TUT4: variants seen among roughly 807,000 people sequenced by gnomAD.
The protein encoded by TUT4 is terminal uridylyltransferase 4.
TUT4 carries 36 observed loss-of-function variants against 192.2 expected under a neutral mutation model. The ratio of observed to expected loss-of-function variants is 0.19; its 90% CI spans 0.14 to 0.25. TUT4 has a LOEUF of 0.25. TUT4 is among the 10% of genes least tolerant of loss of function. The pLI, the probability that TUT4 is intolerant of heterozygous loss-of-function variation, is 1.00. For synonymous variants in TUT4, 618 were observed against 666.0 expected (o/e 0.93, Z 1.11); for missense variants, 1,493 against 1,957.2 (o/e 0.76, Z 4.47).
At chr1:52,552,110 G>A (rs748254338) in intron 1 of TUT4, among the ~76,000 whole-genome samples, 12 of 152,140 alleles carry the variant, frequency 7.9e-5, no homozygotes, top group Non-Finnish European at 7.4e-5. Context: ...CTAAGACTTC[G>A]AAATCTTCTG....
In TUT4 at chr1:52,525,568, T is replaced by C; in HGVS notation, c.713A>G (p.Asp238Gly). 6.3e-7 allele frequency: 1 copy of C among 1,598,838 alleles called. No homozygotes were observed. The highest frequency in any genetic ancestry group is 1.3e-5 in the African/African-American group (1 of 74,408). ...CCCTCCAAAAAATGACTTACTTAAA[T>C]CGTCCGATACGTCTTCAATTCCTGA... ...SASGIEDVSDDLSKMKNDESN... is the reference protein window; with the variant it reads ...SASGIEDVSDGLSKMKNDESN... The change falls in exon 2 of 30, where the codon GAT becomes GGT. Residue 238 changes from aspartate (D) to glycine (G), a missense_variant. By Grantham distance (94) the Asp-to-Gly change is moderately conservative (BLOSUM62 -1). Coordinates refer to ENST00000257177, the MANE Select transcript of TUT4 (RefSeq NM_001009881.3).
intron 15 of TUT4, among the ~76,000 whole-genome samples, chr1:52,466,682 A>T (rs835028): frequency 0.9 from 111,399 of 124,000 alleles, 50,672 homozygotes; most frequent in East Asian, 0.98. Flanking sequence ...ATATATATAT[A>T]TTTTTGAGAC....
chr1:52,484,406 G>C (rs1557809167), intron 9 of TUT4, among the ~76,000 whole-genome samples: 1 of 152,002 alleles, frequency 6.6e-6, no homozygotes, highest in Non-Finnish European at 1.5e-5. Flanking sequence ...GTTTGTATAA[G>C]GGACTTGAGC....
intron 4 of TUT4, among the ~76,000 whole-genome samples, chr1:52,509,105 TA>T (rs1206579236): frequency 1.3e-5 from 2 of 152,220 alleles, no homozygotes; most frequent in Non-Finnish European, 2.9e-5. Flanking sequence ...TTTTGCCATT[TA>T]AACTACTACT....
chr1:52,485,047 A>T (rs958720968), intron 9 of TUT4, among the ~76,000 whole-genome samples: 3 of 152,206 alleles, frequency 2.0e-5, no homozygotes, highest in African/African-American at 7.2e-5. Flanking sequence ...TGAAAGCAGG[A>T]CTCTGTATGT....
chr1:52,427,754 C>CA (rs1446711007), intron 28 of TUT4, among the ~76,000 whole-genome samples: 1 of 152,188 alleles, frequency 6.6e-6, no homozygotes, highest in Non-Finnish European at 1.5e-5. Flanking sequence ...TTATCAATGG[C>CA]AGCTAAGGCT....
intron 2 of TUT4, among the ~76,000 whole-genome samples, chr1:52,523,248 G>C (rs747974723): frequency 2.2e-3 from 326 of 151,548 alleles, no homozygotes; most frequent in Non-Finnish European, 3.6e-3. Context: ...GCACCTCGGC[G>C]TCCCAAAGTG....
chr1:52,436,782 C>A lies in TUT4; in HGVS notation c.4135G>T (p.Ala1379Ser), dbSNP rs1653923615. ...GCCACACTGCTATTCCTCTGACGGG[C>A]CAGCTTGACCTCTGGGCACTCCCTT... ...VRRECPEVKL[A>S]RQRNSSVAAA... Residue 1379 changes from alanine (A) to serine (S), a missense_variant, in exon 26 of 30, where the codon GCC becomes TCC. Physicochemically the swap from Ala to Ser is moderately conservative, Grantham distance 99 (BLOSUM62 1). Around this residue, in one of 7 missense-constraint regions of TUT4, gnomAD observed 351 missense variants for 397.8 expected, o/e 0.88. Coordinates refer to ENST00000257177, the MANE Select transcript of TUT4 (RefSeq NM_001009881.3). The A allele has an allele frequency of 5.6e-6, 9 of 1,613,528 alleles. No homozygotes were observed. The highest frequency in any genetic ancestry group is 1.3e-5 in the African/African-American group (1 of 74,872).
intron 13 of TUT4, among the ~76,000 whole-genome samples, chr1:52,472,864 G>C (rs1666141017): frequency 6.6e-6 from 1 of 152,020 alleles, no homozygotes; most frequent in Non-Finnish European, 1.5e-5. Flanking sequence ...ACATCCTAAA[G>C]TGTCTTTCTC....
intron 4 of TUT4, among the ~76,000 whole-genome samples, chr1:52,506,180 T>C (rs1328705501): frequency 1.3e-5 from 2 of 152,206 alleles, no homozygotes; most frequent in Non-Finnish European, 2.9e-5. Context: ...CACTTGATCA[T>C]GACACATTCA....
intron 4 of TUT4, among the ~76,000 whole-genome samples, chr1:52,505,418 C>CT (rs35140317): frequency 0.23 from 25,341 of 109,506 alleles, 5,051 homozygotes; most frequent in African/African-American, 0.49. Flanking sequence ...TTTGCTTAGA[C>CT]TTTTTTTTTT....
intron 28 of TUT4, 116 bp from the exon 29 acceptor site, chr1:52,425,623 A>AT: frequency 8.0e-7 from 1 of 1,254,920 alleles, no homozygotes. Flanking sequence ...ACTATGCTAA[A>AT]TTCAGAGAAT....
chr1:52,523,070 G>A (rs1291377959), intron 2 of TUT4, among the ~76,000 whole-genome samples: 1 of 123,070 alleles, frequency 8.1e-6, no homozygotes, highest in African/African-American at 3.1e-5. Flanking sequence ...CTGGCTCACT[G>A]CAACCTCCAT....
intron 4 of TUT4, among the ~76,000 whole-genome samples, chr1:52,505,418 C>CTTTTTTT (rs35140317): frequency 2.7e-5 from 3 of 109,534 alleles, no homozygotes; most frequent in Non-Finnish European, 5.3e-5. Flanking sequence ...TTTGCTTAGA[C>CTTTTTTT]TTTTTTTTTT....
intron 11 of TUT4, among the ~76,000 whole-genome samples, chr1:52,479,003 AGAGTT>A (rs1461848666): frequency 3.3e-5 from 5 of 152,166 alleles, no homozygotes; most frequent in Non-Finnish European, 7.3e-5. Context: ...AGAAAAAAAA[AGAGTT>A]GAGTACGCTA....
intron 9 of TUT4, 82 bp from the exon 10 acceptor site, chr1:52,482,005 A>T: frequency 8.3e-7 from 1 of 1,199,492 alleles, no homozygotes; most frequent in South Asian, 3.1e-5. Flanking sequence ...TTCCTACCCT[A>T]ATCATTGTAA....
In TUT4 at chr1:52,528,458, T is replaced by C. The variant is rs1192315024; in HGVS notation, c.-93-2085A>G. 4.7e-5 allele frequency among the ~76,000 whole-genome samples: 7 copies of C among 147,940 alleles called. No homozygotes were observed. In the East Asian group the frequency reaches 1.4e-3, roughly 29 times the overall value. On this transcript the variant is annotated intron_variant, in intron 1 of 29. Transcript: ENST00000257177. ...GTGAGCCAAGATTGCATTCCTGCAT[T>C]CCAGTCTGGGCAACAGAGTGAGACC...
chr1:52,438,473 C>A, intron 24 of TUT4, 138 bp from the exon 25 acceptor site: 1 of 605,978 alleles, frequency 1.7e-6, no homozygotes, highest in Non-Finnish European at 2.9e-6. Context: ...TAAGAAAACC[C>A]AAGATATGAA....
intron 4 of TUT4, among the ~76,000 whole-genome samples, chr1:52,500,403 G>A (rs1176962236): frequency 6.6e-6 from 1 of 152,186 alleles, no homozygotes; most frequent in African/African-American, 2.4e-5. Flanking sequence ...CAAGGCAGGA[G>A]GACTGCTGAA....
Sources: gnomAD v4.1 joint callset for allele counts (sites outside exome capture counted in the v4.1 genomes callset) on GRCh38, gnomAD v4.1.1 for gene constraint, gnomAD v4.1.1 regional missense constraint, MANE v1.5 for transcripts, NCBI Gene and HGNC (gene_info 2026-07-23, HGNC 2026-07-21) for gene names.